CRHBP: variants seen among roughly 807,000 people sequenced by gnomAD.
CRHBP encodes the protein corticotropin-releasing hormone-binding protein.
Under a neutral mutation model 34.9 loss-of-function variants are expected in CRHBP, and 19 were observed. That is an observed-to-expected ratio of 0.55 (90% CI 0.38 to 0.80). The LOEUF is 0.80. Among genes scored for constraint, CRHBP ranks in the 30% least tolerant of loss-of-function variants. The pLI is 0.00. For missense variants in CRHBP, 328 were observed against 409.2 expected, an observed-to-expected ratio of 0.80 and a Z score of 1.71; for synonymous variants, 154 against 153.4, an observed-to-expected ratio of 1.00 and a Z score of -0.03.
At chr5:76,958,634 G>A (rs1214824603) in intron 4 of CRHBP, 107 bp from the exon 5 acceptor site, 1 of 1,250,974 alleles carries the variant, frequency 8.0e-7, no homozygotes, top group Non-Finnish European at 1.1e-6. Flanking sequence ...CTGGGCAGAA[G>A]GCCCTAGATC....
intron 6 of CRHBP, among the ~76,000 whole-genome samples, chr5:76,964,543 A>G (rs984745162): frequency 3.3e-5 from 5 of 152,210 alleles, no homozygotes; most frequent in African/African-American, 9.6e-5. Flanking sequence ...CACAGATTCA[A>G]CCAATTGTAA....
intron 6 of CRHBP, among the ~76,000 whole-genome samples, chr5:76,966,487 G>A (rs1442108506): frequency 2.0e-5 from 3 of 152,218 alleles, no homozygotes; most frequent in Admixed American, 1.3e-4. Flanking sequence ...GGGTTGTAGG[G>A]AGACTAGCCT....
downstream of CRHBP, among the ~76,000 whole-genome samples, chr5:76,972,133 A>G (rs1745956376): frequency 6.6e-6 from 1 of 151,926 alleles, no homozygotes; most frequent in Non-Finnish European, 1.5e-5. Flanking sequence ...TCCTGGGGTC[A>G]AGTGATCTCT....
intron 6 of CRHBP, among the ~76,000 whole-genome samples, chr5:76,968,388 C>G (rs1296834246): frequency 1.3e-5 from 2 of 152,070 alleles, no homozygotes; most frequent in African/African-American, 4.8e-5. Context: ...TGTGCACACT[C>G]CAGACTGATT....
downstream of CRHBP, among the ~76,000 whole-genome samples, chr5:76,971,702 CT>C: frequency 6.6e-6 from 1 of 152,362 alleles, no homozygotes; most frequent in East Asian, 1.9e-4. Flanking sequence ...AGGACCAATC[CT>C]GACCTTGGGC....
chr5:76,961,257 A>G (rs1315058631), intron 5 of CRHBP, among the ~76,000 whole-genome samples: 5 of 152,206 alleles, frequency 3.3e-5, no homozygotes, highest in Non-Finnish European at 7.3e-5. Context: ...ACAGCAAGGA[A>G]TAAGTGCACT....
chr5:76,970,890 T>C (rs1193434871), downstream of CRHBP, among the ~76,000 whole-genome samples: 1 of 152,208 alleles, frequency 6.6e-6, no homozygotes, highest in Non-Finnish European at 1.5e-5. Flanking sequence ...CTGTGGTCAT[T>C]TGTGACATGC....
chr5:76,975,906 GTA>G (rs1305686612), intron 2 of CRHBP, among the ~76,000 whole-genome samples: 3 of 126,466 alleles, frequency 2.4e-5, no homozygotes, highest in Non-Finnish European at 3.2e-5. Flanking sequence ...ATATATGTGT[GTA>G]TATATATGTG....
At chr5:76,974,657 C>T (rs1745998454) in intron 2 of CRHBP, among the ~76,000 whole-genome samples, 1 of 152,078 alleles carries the variant, frequency 6.6e-6, no homozygotes, top group African/African-American at 2.4e-5. Flanking sequence ...TTTATCTGTG[C>T]AGTGAAGTAT....
intron 3 of CRHBP, among the ~76,000 whole-genome samples, chr5:76,979,206 C>T (rs969146812): frequency 6.6e-6 from 1 of 151,962 alleles, no homozygotes; most frequent in Non-Finnish European, 1.5e-5. Context: ...GGGTCTTTCT[C>T]TGTTGCCCAG....
chr5:76,963,583 G>A, intron 6 of CRHBP, 123 bp downstream of exon 6: 1 of 744,584 alleles, frequency 1.3e-6, no homozygotes. Flanking sequence ...TTTTCACACT[G>A]AGCCAGTATG....
At chr5:76,977,930 A>G (rs578014123) in intron 3 of CRHBP, among the ~76,000 whole-genome samples, 1 of 152,338 alleles carries the variant, frequency 6.6e-6, no homozygotes, top group Admixed American at 6.5e-5. Flanking sequence ...ATGATAAGAA[A>G]ACAAAACAGC....
In CRHBP at chr5:76,968,894, C is replaced by G. The variant is rs75973668; in HGVS notation, c.*9C>G. On this transcript the variant is annotated 3_prime_UTR_variant, in exon 7 of 7. Coordinates refer to ENST00000274368, the MANE Select transcript of CRHBP (RefSeq NM_001882.4). ...GTTTGTCTGGTCTTTGAATAACCAA[C>G]CCAGTGATTTACATGCTGATAGCTA... 2.7e-3 allele frequency: 4,422 copies of G among 1,610,776 alleles called. 111 individuals carry two copies. In the East Asian group the frequency reaches 0.043, roughly 16 times the overall value.
At chr5:76,977,589 G>A (rs1158748450) in intron 3 of CRHBP, among the ~76,000 whole-genome samples, 2 of 152,194 alleles carry the variant, frequency 1.3e-5, no homozygotes, top group Admixed American at 1.3e-4. Context: ...ATGGATAAAT[G>A]TGTGTTTTGA....
intron 2 of CRHBP, among the ~76,000 whole-genome samples, chr5:76,975,861 TACAC>T (rs10683419): frequency 1.9e-5 from 2 of 107,224 alleles, no homozygotes; most frequent in African/African-American, 8.1e-5. Flanking sequence ...CATATATATA[TACAC>T]ACACATATAC....
Position 76,955,902 on chromosome 5 carries a change from G to C in CRHBP, c.544+39G>C, listed in dbSNP as rs76905582. 5.1e-3 allele frequency: 7,972 copies of C among 1,578,478 alleles called. 304 individuals carry two copies. In the African/African-American group the frequency reaches 0.085, roughly 17 times the overall value. On this transcript the variant is annotated intron_variant, in intron 4 of 6. Coordinates refer to ENST00000274368, the MANE Select transcript of CRHBP (RefSeq NM_001882.4). ...GTCAAAAGGCAGAACTTCGGATATA[G>C]ACCCGCTTTTTGAAAGTAGTATCAT... is the stretch of plus-strand genomic sequence containing the variant.
intron 5 of CRHBP, among the ~76,000 whole-genome samples, chr5:76,960,275 GCTGTGAGAA>G (rs1009699249): frequency 2.0e-5 from 3 of 152,224 alleles, no homozygotes; most frequent in Non-Finnish European, 4.4e-5. Flanking sequence ...GGAACCAGCA[GCTGTGAGAA>G]CAGGGAGCAG....
chr5:76,979,881 C>T (rs1165042418), intron 3 of CRHBP, among the ~76,000 whole-genome samples: 1 of 152,088 alleles, frequency 6.6e-6, no homozygotes, highest in Non-Finnish European at 1.5e-5. Flanking sequence ...ACTTCCTATG[C>T]GTTGAAGCAT....
chr5:76,956,724 CAAAAAAA>C (rs5868846), intron 4 of CRHBP, among the ~76,000 whole-genome samples: 12 of 98,232 alleles, frequency 1.2e-4, no homozygotes, highest in South Asian at 1.0e-3. Context: ...ACTCTTGTCT[CAAAAAAA>C]AAAAAAAATG....
Sources: allele counts gnomAD v4.1 joint callset (sites outside exome capture counted in the v4.1 genomes callset), GRCh38; gene constraint gnomAD v4.1.1; transcripts MANE v1.5; gene names NCBI Gene and HGNC (gene_info 2026-07-23, HGNC 2026-07-21).